Variants in BANK1 observed in about 807,000 individuals in gnomAD.
BANK1 encodes the protein B cell scaffold protein with ankyrin repeats 1, also known as B-cell scaffold protein with ankyrin repeats.
BANK1 carries 95 observed loss-of-function variants against 94.5 expected under a neutral mutation model. That is an observed-to-expected ratio of 1.00 (90% CI 0.85 to 1.19). The LOEUF (loss-of-function observed/expected upper bound fraction) is 1.19. BANK1 is among the 50% of genes most tolerant of loss of function. BANK1 has a pLI of 0.00. For synonymous variants in BANK1, 334 were observed against 308.4 expected, an observed-to-expected ratio of 1.08 and a Z score of -0.87; for missense variants, 987 against 932.2, an observed-to-expected ratio of 1.06 and a Z score of -0.77.
chr4:101,992,993 G>A (rs1725760027), intron 7 of BANK1, among the ~76,000 whole-genome samples: 1 of 152,148 alleles, frequency 6.6e-6, no homozygotes, highest in Non-Finnish European at 1.5e-5. Flanking sequence ...CGTCCTAAAT[G>A]TGTAGGTTCA....
chr4:102,039,903 T>C (rs149245867), intron 10 of BANK1, among the ~76,000 whole-genome samples: 1,697 of 152,242 alleles, frequency 0.011, 33 homozygotes, highest in Non-Finnish European at 0.013. Context: ...TCATCAATGA[T>C]AGCTGTACAG....
chr4:101,960,395 A>G (rs149772829), intron 7 of BANK1, among the ~76,000 whole-genome samples: 6 of 152,208 alleles, frequency 3.9e-5, no homozygotes, highest in African/African-American at 1.4e-4. Context: ...TGGGCCACTG[A>G]GAGACTTTTG....
At chr4:101,803,133 T>G (rs1303734400) in intron 1 of BANK1, among the ~76,000 whole-genome samples, 3 of 152,230 alleles carry the variant, frequency 2.0e-5, no homozygotes, top group Non-Finnish European at 4.4e-5. Context: ...GATAGAGAAA[T>G]AAGTTCTTTT....
At position 101,813,003 on chromosome 4, in the gene BANK1, T is replaced by C. The variant is rs149009060; in HGVS notation, c.71-16805T>C. On this transcript the variant is annotated intron_variant, in intron 1 of 16. Transcript: ENST00000322953. Reference sequence around the variant, plus strand: ...ATCTTTGTTAAAGTTAGTATGAATTTAAATACTCTTTAAAAATTGCTTTTA... The same window carrying C: ...ATCTTTGTTAAAGTTAGTATGAATTCAAATACTCTTTAAAAATTGCTTTTA... Among the ~76,000 whole-genome samples, 207 of 152,274 alleles carry C rather than the reference T, an allele frequency of 1.4e-3. 1 individual carries two copies. Among genetic ancestry groups the C allele is most frequent in the African/African-American group, 4.7e-3 (196 of 41,584 alleles).
intron 5 of BANK1, among the ~76,000 whole-genome samples, chr4:101,889,600 G>A (rs1721772489): frequency 2.8e-5 from 2 of 70,500 alleles, no homozygotes; most frequent in African/African-American, 9.0e-5. Flanking sequence ...GCGAGACTCC[G>A]TCTCAAAAAA....
chr4:102,028,829 T>G lies in BANK1; in HGVS notation c.1595-1131T>G, dbSNP rs542364647. On this transcript the variant is annotated intron_variant, in intron 9 of 16. Coordinates refer to ENST00000322953, the MANE Select transcript of BANK1 (RefSeq NM_017935.5). ...TTTTATTCTTTTCATGTGAATTCAT[T>G]CTCACACCATTGATCATCCATGCTG... is the stretch of plus-strand genomic sequence containing the variant. Among the ~76,000 whole-genome samples, 53 of 152,266 alleles carry G rather than the reference T, an allele frequency of 3.5e-4. 1 individual carries two copies. The South Asian group carries it at 6.2e-3, about 18-fold the overall frequency.
At chr4:101,921,742 C>T (rs2148901573) in intron 7 of BANK1, among the ~76,000 whole-genome samples, 1 of 151,962 alleles carries the variant, frequency 6.6e-6, no homozygotes, top group East Asian at 1.9e-4. Flanking sequence ...TTTCCTTCCA[C>T]CACTGTGTTC....
intron 10 of BANK1, among the ~76,000 whole-genome samples, chr4:102,036,399 C>T (rs549817389): frequency 5.9e-5 from 9 of 152,134 alleles, no homozygotes; most frequent in Non-Finnish European, 1.3e-4. Flanking sequence ...TCATTGTAAA[C>T]GTGACAGAGT....
At chr4:102,025,539 A>AAAAC in intron 9 of BANK1, 30 bp downstream of exon 9, 2 of 1,597,842 alleles carry the variant, frequency 1.3e-6, no homozygotes, top group Non-Finnish European at 1.7e-6. Flanking sequence ...AAAACAAAAC[A>AAAAC]AAACAAAGAC....
At chr4:102,031,410 T>G (rs1727304781) in intron 10 of BANK1, among the ~76,000 whole-genome samples, 1 of 152,230 alleles carries the variant, frequency 6.6e-6, no homozygotes, top group Non-Finnish European at 1.5e-5. Flanking sequence ...CTGATGATAG[T>G]TTCTTTTGCT....
chr4:102,001,472 C>A (rs573757113), intron 7 of BANK1, among the ~76,000 whole-genome samples: 1 of 152,058 alleles, frequency 6.6e-6, no homozygotes, highest in Non-Finnish European at 1.5e-5. Context: ...TGGTGGCACA[C>A]GCCTGTAGTC....
At chr4:102,043,816 A>C in intron 10 of BANK1, 23 bp from the exon 11 acceptor site, 1 of 1,520,956 alleles carries the variant, frequency 6.6e-7, no homozygotes, top group Non-Finnish European at 9.0e-7. Context: ...TTCAGTAAAT[A>C]ATATGTTCTA....
chr4:101,808,010 G>A (rs949281615), intron 1 of BANK1, among the ~76,000 whole-genome samples: 2 of 151,530 alleles, frequency 1.3e-5, no homozygotes, highest in Non-Finnish European at 2.9e-5. Context: ...GCTTGAACCC[G>A]GGATGTGGAG....
intron 10 of BANK1, among the ~76,000 whole-genome samples, chr4:102,041,997 T>C (rs1727717790): frequency 6.6e-6 from 1 of 152,022 alleles, no homozygotes; most frequent in Non-Finnish European, 1.5e-5. Flanking sequence ...TTTTAAAAAC[T>C]TATCAATTAA....
chr4:101,803,431 T>G (rs1205859809), intron 1 of BANK1, among the ~76,000 whole-genome samples: 2 of 152,144 alleles, frequency 1.3e-5, no homozygotes, highest in East Asian at 3.9e-4. Flanking sequence ...TTAGATTAAT[T>G]CCAGCTATTT....
At chr4:101,950,724 A>G (rs1724119371) in intron 7 of BANK1, among the ~76,000 whole-genome samples, 1 of 152,172 alleles carries the variant, frequency 6.6e-6, no homozygotes, top group African/African-American at 2.4e-5. Context: ...CCACCTTCAC[A>G]GTGGAAAACC....
intron 9 of BANK1, among the ~76,000 whole-genome samples, 199 bp downstream of exon 9, chr4:102,025,708 T>C (rs1047247880): frequency 6.6e-6 from 1 of 152,104 alleles, no homozygotes; most frequent in African/African-American, 2.4e-5. Context: ...CTTTTGTTTC[T>C]TATTTCCTTG....
At chr4:102,022,008 T>C in intron 8 of BANK1, among the ~76,000 whole-genome samples, 1 of 152,078 alleles carries the variant, frequency 6.6e-6, no homozygotes, top group East Asian at 1.9e-4. Flanking sequence ...TGATTCTACA[T>C]TCTAATGTCT....
intron 7 of BANK1, among the ~76,000 whole-genome samples, chr4:101,971,844 A>G (rs933632004): frequency 6.6e-6 from 1 of 152,004 alleles, no homozygotes; most frequent in Non-Finnish European, 1.5e-5. Context: ...ATTCGTTGAT[A>G]CCTTTCTTTT....
Sources: allele counts gnomAD v4.1 joint callset (sites outside exome capture counted in the v4.1 genomes callset), GRCh38; gene constraint gnomAD v4.1.1; transcripts MANE v1.5; gene names NCBI Gene and HGNC (gene_info 2026-07-23, HGNC 2026-07-21).